Variants in CFAP69 observed in about 807,000 individuals in gnomAD.
CFAP69 encodes the protein cilia- and flagella-associated protein 69.
Under a neutral mutation model 123.0 loss-of-function variants are expected in CFAP69, and 92 were observed. The ratio of observed to expected loss-of-function variants is 0.75; its 90% confidence interval spans 0.63 to 0.89. CFAP69 has a LOEUF of 0.89. CFAP69 is among the 40% of genes least tolerant of loss of function. The pLI is 0.00. For missense variants in CFAP69, 1,067 were observed against 1,096.9 expected (o/e 0.97, Z 0.39); for synonymous variants, 380 against 364.3 (o/e 1.04, Z -0.49).
intron 12 of CFAP69, 26 bp downstream of exon 12, chr7:90,279,919 C>A: frequency 2.6e-6 from 4 of 1,510,820 alleles, no homozygotes; most frequent in South Asian, 2.6e-5. Context: ...AGATTCTTGT[C>A]AAAATTCTAA....
chr7:90,245,616 G>C, intron 1 of CFAP69, 72 bp downstream of exon 1: 1 of 1,420,296 alleles, frequency 7.0e-7, no homozygotes, highest in South Asian at 1.7e-5. Flanking sequence ...GTCCAGACCT[G>C]GGGGTGGCAA....
intron 6 of CFAP69, among the ~76,000 whole-genome samples, chr7:90,269,668 T>C (rs1799672116): frequency 2.0e-5 from 3 of 152,100 alleles, no homozygotes; most frequent in Admixed American, 2.0e-4. Flanking sequence ...GATTAAAGAA[T>C]CAGAGGATTG....
At chr7:90,314,822 A>AT (rs1562938759), downstream of CFAP69, among the ~76,000 whole-genome samples, 1 of 151,992 alleles carries the variant, frequency 6.6e-6, no homozygotes, top group Non-Finnish European at 1.5e-5. Flanking sequence ...TGCACCCACT[A>AT]ACTCATCATC....
chr7:90,286,186 CA>C, intron 13 of CFAP69, 94 bp from the exon 14 acceptor site: 1 of 1,025,534 alleles, frequency 9.8e-7, no homozygotes, highest in Non-Finnish European at 1.4e-6. Context: ...TTTCTCTAGC[CA>C]AATAAACTTT....
At chr7:90,305,706 T>G (rs1441133910) in intron 19 of CFAP69, among the ~76,000 whole-genome samples, 1 of 146,012 alleles carries the variant, frequency 6.8e-6, no homozygotes, top group African/African-American at 2.5e-5. Flanking sequence ...AAATAAGTTT[T>G]TATTTATTAA....
At chr7:90,277,462 T>C (rs17865277) in intron 11 of CFAP69, 128 bp downstream of exon 11, 1 of 764,614 alleles carries the variant, frequency 1.3e-6, no homozygotes, top group East Asian at 3.3e-5. Context: ...AAAATCTTAC[T>C]GGCCTGAATT....
At chr7:90,268,198 T>C in intron 5 of CFAP69, 88 bp from the exon 6 acceptor site, 1 of 757,980 alleles carries the variant, frequency 1.3e-6, no homozygotes, top group African/African-American at 1.8e-5. Flanking sequence ...TTTTTAATAA[T>C]CATCATATTA....
At chr7:90,250,419 G>T (rs974538238) in intron 1 of CFAP69, among the ~76,000 whole-genome samples, 13 of 152,096 alleles carry the variant, frequency 8.5e-5, no homozygotes, top group African/African-American at 3.1e-4. Flanking sequence ...TAGATTTGAA[G>T]ACTAATTGAG....
At chr7:90,260,568 A>T (rs192401481) in intron 3 of CFAP69, among the ~76,000 whole-genome samples, 2 of 152,256 alleles carry the variant, frequency 1.3e-5, no homozygotes, top group East Asian at 3.9e-4. Flanking sequence ...TCAAGCTCTA[A>T]TATTAGCTCA....
intron 22 of CFAP69, 39 bp downstream of exon 22, chr7:90,309,406 T>A: frequency 8.4e-7 from 1 of 1,186,318 alleles, no homozygotes; most frequent in African/African-American, 1.5e-5. Flanking sequence ...TAATAGACAT[T>A]AAATTTAGAG....
chr7:90,303,546 A>G, intron 17 of CFAP69: 7 of 957,042 alleles, frequency 7.3e-6, no homozygotes, highest in Non-Finnish European at 8.7e-6. Context: ...TCTTCAATCC[A>G]TTTTTATTGT....
At chr7:90,277,166 G>A (rs1390385722) in intron 10 of CFAP69, 45 bp downstream of exon 10, 1 of 1,576,236 alleles carries the variant, frequency 6.3e-7, no homozygotes, top group Admixed American at 1.9e-5. Context: ...ATCTTGATAA[G>A]TCTTGTACAA....
At chr7:90,280,791 GT>G (rs1789373698) in intron 12 of CFAP69, among the ~76,000 whole-genome samples, 1 of 152,076 alleles carries the variant, frequency 6.6e-6, no homozygotes, top group South Asian at 2.1e-4. Flanking sequence ...CTCTTTTCTG[GT>G]AGAAATTTTG....
the CFAP69 span, among the ~76,000 whole-genome samples, chr7:90,316,240 T>A: frequency 1.3e-5 from 2 of 152,168 alleles, no homozygotes; most frequent in Non-Finnish European, 2.9e-5. Context: ...AGCCTTAAGC[T>A]CTCTGAAAAA....
Position 90,307,037 on chromosome 7 carries a change from G to A in CFAP69, c.2402G>A (p.Ser801Asn). ...NIGKMVASLQSDIIESQACQD... is the reference protein window; with the variant it reads ...NIGKMVASLQNDIIESQACQD... ...GGAAAGATGGTTGCTTCTCTGCAAAGTGATATAATTGAAAGCCAAGCATGC... is the reference window on the plus strand; with the variant it reads ...GGAAAGATGGTTGCTTCTCTGCAAAATGATATAATTGAAAGCCAAGCATGC... The change falls in exon 20 of 23, where the codon AGT (serine) becomes AAT (asparagine). Residue 801 changes from serine to asparagine, a missense_variant. By Grantham distance (46) the Ser-to-Asn change is conservative (BLOSUM62 1). Coordinates refer to ENST00000389297, the MANE Select transcript of CFAP69 (RefSeq NM_001039706.3). 1 of 1,613,298 alleles carries A rather than the reference G, an allele frequency of 6.2e-7. No individual in the cohort carries two copies. Among genetic ancestry groups the A allele is most frequent in the African/African-American group, 1.3e-5 (1 of 74,998 alleles).
At chr7:90,253,450 G>T (rs1383575767) in intron 1 of CFAP69, among the ~76,000 whole-genome samples, 7 of 152,186 alleles carry the variant, frequency 4.6e-5, no homozygotes, top group African/African-American at 1.4e-4. Context: ...GAGTGCAGTG[G>T]TGTGATCTCG....
At chr7:90,249,438 G>C (rs1462547223) in intron 1 of CFAP69, among the ~76,000 whole-genome samples, 1 of 152,084 alleles carries the variant, frequency 6.6e-6, no homozygotes, top group East Asian at 1.9e-4. Flanking sequence ...AATACACTGG[G>C]TATCAAAACC....
At chr7:90,286,774 C>T (rs1303051627) in intron 14 of CFAP69, among the ~76,000 whole-genome samples, 5 of 151,994 alleles carry the variant, frequency 3.3e-5, no homozygotes, top group African/African-American at 4.8e-5. Context: ...ATTCTGTCAC[C>T]CAGCATCATA....
intron 15 of CFAP69, among the ~76,000 whole-genome samples, chr7:90,293,681 A>G (rs1791528212): frequency 6.6e-6 from 1 of 152,198 alleles, no homozygotes; most frequent in Non-Finnish European, 1.5e-5. Context: ...AGTAGTCTCA[A>G]ATACTTGTTA....
Sources: allele counts gnomAD v4.1 joint callset (sites outside exome capture counted in the v4.1 genomes callset), GRCh38; gene constraint gnomAD v4.1.1; transcripts MANE v1.5; gene names NCBI Gene and HGNC (gene_info 2026-07-23, HGNC 2026-07-21).